The following SERAC1 variants were observed in gnomAD, a reference collection of about 807,000 sequenced individuals.
SERAC1 encodes the protein serine active site containing 1, also known as protein SERAC1.
A neutral mutation model predicts 85.7 loss-of-function variants in SERAC1; 36 were observed. That is an observed-to-expected ratio of 0.42 (90% CI 0.32 to 0.55). The LOEUF (loss-of-function observed/expected upper bound fraction) is 0.55, where lower values mean the gene tolerates loss of function less well. Among genes scored for constraint, SERAC1 ranks in the 20% least tolerant of loss-of-function variants. SERAC1 has a pLI of 0.11. For missense variants in SERAC1, 629 were observed against 796.2 expected, an observed-to-expected ratio of 0.79 and a Z score of 2.53; for synonymous variants, 242 against 265.3, an observed-to-expected ratio of 0.91 and a Z score of 0.85.
In SERAC1 at chr6:158,144,414, T is replaced by A. The variant is rs113813555; in HGVS notation, c.494A>T (p.Gln165Leu). ...MSETHHWHDY[Q>L]YRIIAQACDP... is the part of the protein sequence containing the mutation. ...ACAGGCTTGAGCAATTATCCTATAC[T>A]GGTAATCTATTGAAAAAGCATTTTC... The change falls in exon 7 of 17, where the codon CAG (glutamine) becomes CTG (leucine). Residue 165 changes from glutamine (Q) to leucine (L), a missense_variant. Coordinates refer to ENST00000647468, the MANE Select transcript of SERAC1 (RefSeq NM_032861.4). 2 of 1,568,892 alleles carry A rather than the reference T, an allele frequency of 1.3e-6. No individual in the cohort carries two copies. Among genetic ancestry groups the A allele is most frequent in the Non-Finnish European group, 1.7e-6 (2 of 1,154,458 alleles).
At chr6:158,134,255 C>G (rs780343217) in intron 8 of SERAC1, among the ~76,000 whole-genome samples, 2 of 152,172 alleles carry the variant, frequency 1.3e-5, no homozygotes, top group Non-Finnish European at 2.9e-5. Context: ...GCCTCTTTCC[C>G]CAGCTCTATC....
chr6:158,148,994 T>G, intron 4 of SERAC1, 40 bp from the exon 5 acceptor site: 2 of 1,453,972 alleles, frequency 1.4e-6, no homozygotes, highest in Non-Finnish European at 1.9e-6. Flanking sequence ...AAGAATGTAT[T>G]TTTTTTTTCT....
chr6:158,143,337 CTCTCTCTCTCTATATATA>C (rs1332285714), intron 7 of SERAC1, among the ~76,000 whole-genome samples, 153 bp from the exon 8 acceptor site: 2,112 of 30,512 alleles, frequency 0.069, 30 homozygotes, highest in African/African-American at 0.11. Context: ...CTCTCTCTCT[CTCTCTCTCTCTATATATA>C]TATATATATA....
intron 16 of SERAC1, 46 bp downstream of exon 16, chr6:158,113,403 T>A: frequency 6.5e-7 from 1 of 1,544,632 alleles, no homozygotes; most frequent in Non-Finnish European, 8.9e-7. Flanking sequence ...AAATGCTAGG[T>A]ATAATTAAGC....
Position 158,117,010 on chromosome 6 carries a change from G to GTAGTT in SERAC1, c.1403+712_1403+716dup, listed in dbSNP as rs1355007891. 1 of 153,344 alleles carries GTAGTT rather than the reference G, an allele frequency of 6.5e-6. No individual in the cohort carries two copies. The highest frequency in any genetic ancestry group is 1.5e-5 in the Non-Finnish European group (1 of 68,918). 9.5% of individuals were successfully genotyped at this position (153,344 alleles called of 1,614,324 possible). Reference sequence around the variant, plus strand: ...AGGAACTTCAAAACTATCTAGTCTGGTAGTTTCAAACTGTTTATTTGTAGA... The same window carrying GTAGTT: ...AGGAACTTCAAAACTATCTAGTCTGGTAGTTTAGTTTCAAACTGTTTATTTGTAGA... On this transcript the variant is annotated intron_variant, in intron 13 of 16. Transcript: ENST00000647468. The surrounding 1 kb of genome is among the most constrained non-coding windows in gnomAD (Gnocchi z 4.3).
At chr6:158,156,736 T>A (rs1285473216) in intron 2 of SERAC1, among the ~76,000 whole-genome samples, 1 of 141,910 alleles carries the variant, frequency 7.0e-6, no homozygotes, top group Non-Finnish European at 1.5e-5. Context: ...TATATATATA[T>A]AAATATATTA....
chr6:158,142,353 G>A lies in SERAC1; in HGVS notation c.738+703C>T, dbSNP rs188803268. ...TTTTTTTTTAATGTTTTAAAGAGAC[G>A]GGGGTCGCACTGTGTTGCCCAAGCT... On this transcript the variant is annotated intron_variant, in intron 8 of 16. Transcript: ENST00000647468. Among the ~76,000 whole-genome samples the A allele has an allele frequency of 1.1e-4, 17 of 151,980 alleles. No homozygotes were observed. In the East Asian group the frequency reaches 2.5e-3, roughly 22 times the overall value.
chr6:158,133,097 A>C (rs1784714102), intron 8 of SERAC1, among the ~76,000 whole-genome samples: 1 of 152,104 alleles, frequency 6.6e-6, no homozygotes, highest in African/African-American at 2.4e-5. Flanking sequence ...GCTTGAGCCC[A>C]GGCGTTCAAG....
Position 158,117,455 on chromosome 6 carries a change from G to C in SERAC1, c.1403+272C>G. On this transcript the variant is annotated intron_variant, in intron 13 of 16. Coordinates refer to ENST00000647468, the MANE Select transcript of SERAC1 (RefSeq NM_032861.4). The surrounding 1 kb of genome is among the most constrained non-coding windows in gnomAD (Gnocchi z 4.3). ...TTTACTTCTGATAGAAAAGGAGACT[G>C]CTAGACAATCCACGATCCTTCACTA... is the stretch of plus-strand genomic sequence containing the variant. 2 of 1,492,602 alleles carry C rather than the reference G, an allele frequency of 1.3e-6. No homozygotes were observed. Among genetic ancestry groups the C allele is most frequent in the Admixed American group, 4.3e-5 (2 of 46,748 alleles). The allele number at this position is 1,492,602 out of a possible 1,614,324, so 92.5% of individuals were successfully genotyped here.
intron 2 of SERAC1, among the ~76,000 whole-genome samples, chr6:158,158,008 G>A (rs551046366): frequency 1.3e-5 from 2 of 152,184 alleles, no homozygotes; most frequent in African/African-American, 4.8e-5. Context: ...AATATCTGCT[G>A]AATGAAAATG....
chr6:158,129,100 C>A (rs1381782052), intron 9 of SERAC1, among the ~76,000 whole-genome samples: 4 of 152,250 alleles, frequency 2.6e-5, no homozygotes, highest in Admixed American at 2.6e-4. Flanking sequence ...GTGAGATCTG[C>A]AATAATTTCA....
intron 10 of SERAC1, among the ~76,000 whole-genome samples, chr6:158,127,357 G>T (rs1583572067): frequency 1.2e-4 from 3 of 25,938 alleles, no homozygotes; most frequent in Admixed American, 3.9e-4. Context: ...CAGCCGCCCC[G>T]TCCGGGAGGG....
rs115183511 is a variant in SERAC1, at chr6:158,122,122, A to G, written c.1016-1547T>C. 3.9e-3 allele frequency among the ~76,000 whole-genome samples: 594 copies of G among 152,306 alleles called. 6 individuals carry two copies. The highest frequency in any genetic ancestry group is 0.014 in the African/African-American group (569 of 41,550). On this transcript the variant is annotated intron_variant, in intron 10 of 16. Coordinates refer to ENST00000647468, the MANE Select transcript of SERAC1 (RefSeq NM_032861.4). ...ATTTCCCATTGTGTTACAACTGTCT[A>G]CAGTGTTCAGTACAGTAACCTGCTG...
Position 158,144,305 on chromosome 6 carries a change from T to C in SERAC1, c.603A>G (p.Leu201=), listed in dbSNP as rs369877745. Residue 201 remains leucine (L), a synonymous_variant, in exon 7 of 17, where the codon TTA becomes TTG. Transcript: ENST00000647468. ...TTATTATTGTTTTACTTACTTCTTT[T>C]AAAGATGGCAAAGGAGGTGGTAGGA... ...FFLLPPPLPS[L]KEDSSTEEEL... 1 of 1,609,058 alleles carries C rather than the reference T, an allele frequency of 6.2e-7. No individual in the cohort carries two copies. Among genetic ancestry groups the C allele is most frequent in the African/African-American group, 1.3e-5 (1 of 74,856 alleles).
chr6:158,129,335 A>G (rs959392715), intron 9 of SERAC1, among the ~76,000 whole-genome samples: 3 of 152,168 alleles, frequency 2.0e-5, no homozygotes, highest in African/African-American at 7.2e-5. Context: ...GCCATGTCCA[A>G]TGTGTCCCAA....
At chr6:158,145,114 G>A (rs1196383026) in intron 6 of SERAC1, 1 of 152,186 alleles carries the variant, frequency 6.6e-6, no homozygotes, top group Non-Finnish European at 1.5e-5. Context: ...CGTGGTGGCA[G>A]GCACCTGTAA....
chr6:158,117,738 G>A lies in SERAC1; in HGVS notation c.1392C>T (p.Cys464=), dbSNP rs1241890454. 2 of 1,613,990 alleles carry A rather than the reference G, an allele frequency of 1.2e-6. No individual in the cohort carries two copies. The highest frequency in any genetic ancestry group is 1.1e-5 in the South Asian group (1 of 91,074). The change falls in exon 13 of 17, where the codon TGC becomes TGT. Residue 464 remains cysteine, a synonymous_variant. Coordinates refer to ENST00000647468, the MANE Select transcript of SERAC1 (RefSeq NM_032861.4). This position sits in a 1 kb window ranked among gnomAD's most constrained non-coding sequence, Gnocchi z 4.3. ...GTCGCCTCTGTTACCTTTCCATAGG[G>A]CACCTTGCTCTCCAGTCGCTGAGGC... is the stretch of plus-strand genomic sequence containing the variant. The part of the protein sequence containing the change: ...DTSLSDWRAR[C]PMERKSIAFR...
intron 1 of SERAC1, among the ~76,000 whole-genome samples, chr6:158,164,946 A>T: frequency 6.6e-6 from 1 of 152,142 alleles, no homozygotes; most frequent in Non-Finnish European, 1.5e-5. Context: ...TGAGCAACTG[A>T]CAGTTTGAAT....
chr6:158,143,332 T>G (rs1222525700), intron 7 of SERAC1, 148 bp from the exon 8 acceptor site: 1 of 144,766 alleles, frequency 6.9e-6, no homozygotes, highest in Non-Finnish European at 1.1e-5. Context: ...TCTCTCTCTC[T>G]CTCTCTCTCT....
Sources: gnomAD v4.1 joint callset for allele counts (sites outside exome capture counted in the v4.1 genomes callset) on GRCh38, gnomAD v4.1.1 for gene constraint, Gnocchi (gnomAD v3.1) non-coding constraint, MANE v1.5 for transcripts, NCBI Gene and HGNC (gene_info 2026-07-23, HGNC 2026-07-21) for gene names.